Variants in ANKRD13C observed in about 807,000 individuals in gnomAD.
The protein encoded by ANKRD13C is ankyrin repeat domain-containing protein 13C.
In ANKRD13C, 16 loss-of-function variants were observed where a neutral mutation model predicts 65.5. The observed-to-expected ratio is 0.24, with a 90% CI of 0.17 to 0.37. The LOEUF is 0.37. Ranked by LOEUF, ANKRD13C falls within the 10% of genes least tolerant of loss-of-function variation. The pLI, the probability that ANKRD13C is intolerant of heterozygous loss-of-function variation, is 1.00. For synonymous variants in ANKRD13C, 235 were observed against 238.7 expected, an observed-to-expected ratio of 0.98 and a Z score of 0.14; for missense variants, 503 against 655.9, an observed-to-expected ratio of 0.77 and a Z score of 2.55.
chr1:70,335,615 A>G (rs1681988848), intron 2 of ANKRD13C, among the ~76,000 whole-genome samples: 1 of 151,202 alleles, frequency 6.6e-6, no homozygotes, highest in Non-Finnish European at 1.5e-5. Flanking sequence ...TTAAATAATG[A>G]CTACTTTAAT....
At chr1:70,326,467 A>G (rs1053051189) in intron 2 of ANKRD13C, among the ~76,000 whole-genome samples, 6 of 152,152 alleles carry the variant, frequency 3.9e-5, no homozygotes, top group Admixed American at 2.6e-4. Flanking sequence ...AAGAAATAAG[A>G]GTGTTAAGAC....
chr1:70,263,820 A>C (rs958709736), intron 12 of ANKRD13C, among the ~76,000 whole-genome samples: 4 of 152,194 alleles, frequency 2.6e-5, no homozygotes, highest in Non-Finnish European at 5.9e-5. Flanking sequence ...TTTTTAAAAA[A>C]ACTCTGAAAT....
chr1:70,297,325 G>A (rs763162443), intron 7 of ANKRD13C, among the ~76,000 whole-genome samples: 5 of 109,430 alleles, frequency 4.6e-5, no homozygotes, highest in Non-Finnish European at 6.9e-5. Flanking sequence ...ACAGAGTCCC[G>A]CTTTGTCGCC....
chr1:70,303,611 A>G (rs886889944), intron 6 of ANKRD13C, among the ~76,000 whole-genome samples: 5 of 152,208 alleles, frequency 3.3e-5, no homozygotes, highest in Non-Finnish European at 7.3e-5. Flanking sequence ...TCCTATTTCT[A>G]CTAAAGTATT....
At chr1:70,304,442 G>A (rs1262053019) in intron 6 of ANKRD13C, among the ~76,000 whole-genome samples, 2 of 151,898 alleles carry the variant, frequency 1.3e-5, no homozygotes, top group Non-Finnish European at 2.9e-5. Context: ...TGTTGCCCAG[G>A]CTAAAGTGCA....
At chr1:70,272,990 AAAATAAATAAAT>A (rs56932890) in intron 11 of ANKRD13C, among the ~76,000 whole-genome samples, 19 of 147,186 alleles carry the variant, frequency 1.3e-4, no homozygotes, top group African/African-American at 2.5e-4. Flanking sequence ...TCTGTCTCAA[AAAATAAATAAAT>A]AAATAAATAA....
intron 9 of ANKRD13C, among the ~76,000 whole-genome samples, chr1:70,280,967 T>C (rs1679360481): frequency 6.6e-6 from 1 of 151,934 alleles, no homozygotes; most frequent in Non-Finnish European, 1.5e-5. Flanking sequence ...TGATCAGATA[T>C]AGAGATAACA....
At chr1:70,339,234 C>T (rs1471630322) in intron 1 of ANKRD13C, among the ~76,000 whole-genome samples, 2 of 148,512 alleles carry the variant, frequency 1.3e-5, no homozygotes, top group Non-Finnish European at 3.0e-5. Flanking sequence ...AGCAAACAAA[C>T]TTGTCGACAA....
intron 1 of ANKRD13C, among the ~76,000 whole-genome samples, chr1:70,346,805 G>C (rs986363278): frequency 2.6e-5 from 4 of 152,042 alleles, no homozygotes; most frequent in African/African-American, 7.2e-5. Flanking sequence ...AAATCAAATT[G>C]TGTCGGGCGG....
rs1678913364 is a variant in ANKRD13C at position 70,272,175 on chromosome 1, T to TTC, written c.1395-1220_1395-1219insGA. Among the ~76,000 whole-genome samples the TTC allele has an allele frequency of 2.7e-5, 4 of 150,568 alleles. No homozygotes were observed. In the East Asian group the frequency reaches 7.7e-4, roughly 29 times the overall value. On this transcript the variant is annotated intron_variant, in intron 11 of 12. Transcript: ENST00000370944. The stretch of plus-strand genomic sequence containing the variant: ...TATAGGTAATTTTCTTTTTTTTTTT[T>TTC]CTGAACTTTTAGAACAAATTATTTG...
At chr1:70,350,665 A>T (rs922470166) in intron 1 of ANKRD13C, among the ~76,000 whole-genome samples, 1 of 152,248 alleles carries the variant, frequency 6.6e-6, no homozygotes, top group African/African-American at 2.4e-5. Flanking sequence ...ACTTTGCTAT[A>T]AAACACCAAA....
intron 2 of ANKRD13C, among the ~76,000 whole-genome samples, chr1:70,329,792 TA>T (rs199593115): frequency 1.2e-4 from 18 of 148,040 alleles, no homozygotes; most frequent in Middle Eastern, 3.5e-3. Context: ...TCTTATAATT[TA>T]AAAAAAAAAG....
intron 7 of ANKRD13C, among the ~76,000 whole-genome samples, chr1:70,298,544 C>T (rs553708551): frequency 6.6e-6 from 1 of 152,214 alleles, no homozygotes; most frequent in East Asian, 1.9e-4. Flanking sequence ...TACCTTAAAA[C>T]TGGTACCCTT....
intron 2 of ANKRD13C, among the ~76,000 whole-genome samples, chr1:70,334,568 G>A (rs1348568119): frequency 6.6e-6 from 1 of 152,036 alleles, no homozygotes; most frequent in African/African-American, 2.4e-5. Flanking sequence ...TCTCAAGACT[G>A]CAGTGACCCA....
intron 9 of ANKRD13C, among the ~76,000 whole-genome samples, chr1:70,285,661 C>T (rs1454465547): frequency 1.4e-5 from 2 of 143,080 alleles, no homozygotes; most frequent in East Asian, 2.0e-4. Flanking sequence ...GACAGAGTCT[C>T]GCTCTGTCAC....
intron 12 of ANKRD13C, among the ~76,000 whole-genome samples, chr1:70,266,584 TTG>T (rs1553241029): frequency 6.6e-6 from 1 of 152,056 alleles, no homozygotes; most frequent in Non-Finnish European, 1.5e-5. Flanking sequence ...TTGCTGGGAG[TTG>T]TCTCTCAGCA....
intron 1 of ANKRD13C, among the ~76,000 whole-genome samples, chr1:70,352,844 T>C (rs1377398402): frequency 6.6e-5 from 10 of 152,240 alleles, no homozygotes; most frequent in Admixed American, 5.2e-4. Flanking sequence ...GTGGTGATTT[T>C]ATTACAATTA....
At chr1:70,277,431 T>C (rs1679189231) in intron 9 of ANKRD13C, among the ~76,000 whole-genome samples, 1 of 143,540 alleles carries the variant, frequency 7.0e-6, no homozygotes. Context: ...CACTCCAGCC[T>C]GGGTGACAGA....
chr1:70,313,263 T>C (rs555422115), intron 5 of ANKRD13C, among the ~76,000 whole-genome samples: 32 of 152,304 alleles, frequency 2.1e-4, no homozygotes, highest in South Asian at 2.1e-3. Flanking sequence ...ATGTGGTGGC[T>C]CACTTCTGTA....
Sources: allele counts gnomAD v4.1 joint callset (sites outside exome capture counted in the v4.1 genomes callset), GRCh38; gene constraint gnomAD v4.1.1; transcripts MANE v1.5; gene names NCBI Gene and HGNC (gene_info 2026-07-23, HGNC 2026-07-21).